The following CACNG4 variants were observed in gnomAD, a reference collection of about 807,000 sequenced individuals.
CACNG4 encodes calcium voltage-gated channel auxiliary subunit gamma 4.
In CACNG4, 8 loss-of-function variants were observed where a neutral mutation model predicts 22.9. The observed-to-expected ratio is 0.35, with a 90% CI of 0.21 to 0.63. The LOEUF is 0.63. Ranked by LOEUF, CACNG4 falls within the 30% of genes least tolerant of loss-of-function variation. The pLI, the probability that CACNG4 is intolerant of heterozygous loss-of-function variation, is 0.72. For synonymous variants in CACNG4, 188 were observed against 191.9 expected (o/e 0.98, Z 0.17); for missense variants, 357 against 455.4 (o/e 0.78, Z 1.97).
intron 1 of CACNG4, among the ~76,000 whole-genome samples, chr17:66,996,153 G>A (rs747313204): frequency 6.6e-6 from 1 of 152,126 alleles, no homozygotes; most frequent in Non-Finnish European, 1.5e-5. Context: ...ATGGGGCACC[G>A]CATGCTCTGC....
intron 1 of CACNG4, among the ~76,000 whole-genome samples, chr17:66,990,969 C>G (rs1282596338): frequency 6.6e-6 from 1 of 152,122 alleles, no homozygotes; most frequent in Non-Finnish European, 1.5e-5. Flanking sequence ...AGTAAGCCAC[C>G]GCGCCCGGCC....
chr17:67,000,536 G>A (rs1035264151), intron 1 of CACNG4, among the ~76,000 whole-genome samples: 4 of 152,220 alleles, frequency 2.6e-5, no homozygotes, highest in Admixed American at 1.3e-4. Context: ...AGGGGGCAAG[G>A]GTGCAGGGCG....
At position 66,965,046 on chromosome 17, in the gene CACNG4, C is replaced by T. The variant is rs765704600; in HGVS notation, c.135C>T (p.Asn45=). 1.9e-6 allele frequency: 3 copies of T among 1,609,786 alleles called. No homozygotes were observed. In the East Asian group the frequency reaches 6.7e-5, roughly 36 times the overall value. Reference sequence around the variant, plus strand: ...GCGCGCACATCTGCAACGGCACCAACCTGACCATGGACGACGGGCCCCCGC... The same window carrying T: ...GCGCGCACATCTGCAACGGCACCAATCTGACCATGGACGACGGGCCCCCGC... ...YSSAHICNGT[N]LTMDDGPPPR... is the part of the protein sequence containing the mutation. Residue 45 remains asparagine (N), a synonymous_variant, in exon 1 of 4, where the codon AAC becomes AAT. Coordinates refer to ENST00000262138, the MANE Select transcript of CACNG4 (RefSeq NM_014405.4).
At position 66,965,070 on chromosome 17, in the gene CACNG4, G is replaced by A. The variant is rs1449677893; in HGVS notation, c.159G>A (p.Pro53=). 6.3e-7 allele frequency: 1 copy of A among 1,586,060 alleles called. No individual in the cohort carries two copies. The highest frequency in any genetic ancestry group is 1.8e-5 in the Admixed American group (1 of 56,612). Residue 53 remains proline, a synonymous_variant, in exon 1 of 4, where the codon CCG becomes CCA. Transcript: ENST00000262138. ...ACCTGACCATGGACGACGGGCCCCCGCCCCGCCGCGCCCGCGGCGACCTCA... is the reference window on the plus strand; with the variant it reads ...ACCTGACCATGGACGACGGGCCCCCACCCCGCCGCGCCCGCGGCGACCTCA... ...GTNLTMDDGP[P]PRRARGDLTH...
At chr17:66,985,448 G>A (rs1052046846) in intron 1 of CACNG4, among the ~76,000 whole-genome samples, 4 of 152,202 alleles carry the variant, frequency 2.6e-5, no homozygotes, top group African/African-American at 7.2e-5. Flanking sequence ...GGAGTGTCAG[G>A]GTGAGGCTTG....
chr17:66,975,354 G>A (rs1195599644), intron 1 of CACNG4, among the ~76,000 whole-genome samples: 6 of 152,138 alleles, frequency 3.9e-5, no homozygotes, highest in African/African-American at 1.4e-4. Context: ...GCATCAGACG[G>A]TCAGCATTGA....
chr17:66,971,218 G>C (rs925335727), intron 1 of CACNG4, among the ~76,000 whole-genome samples: 1 of 151,042 alleles, frequency 6.6e-6, no homozygotes, highest in Non-Finnish European at 1.5e-5. Flanking sequence ...CCTCATGGAG[G>C]GTCCTTGCTG....
At chr17:66,993,622 T>A (rs561019748) in intron 1 of CACNG4, among the ~76,000 whole-genome samples, 139 of 152,318 alleles carry the variant, frequency 9.1e-4, no homozygotes, top group Non-Finnish European at 1.6e-3. Flanking sequence ...ATTCTTTTTT[T>A]TGAGATGGAG....
At chr17:67,017,748 C>T (rs544422213) in intron 1 of CACNG4, among the ~76,000 whole-genome samples, 1 of 151,988 alleles carries the variant, frequency 6.6e-6, no homozygotes, top group African/African-American at 2.4e-5. Context: ...GATCTTCTGA[C>T]CTCCTGATCC....
chr17:67,018,414 T>C (rs2143355840), intron 2 of CACNG4, 142 bp downstream of exon 2: 2 of 656,212 alleles, frequency 3.0e-6, no homozygotes, highest in East Asian at 2.7e-5. Context: ...ATTCAGACAT[T>C]GTGAGTTTGG....
intron 1 of CACNG4, among the ~76,000 whole-genome samples, chr17:67,006,691 G>A (rs1365496022): frequency 1.3e-5 from 2 of 151,958 alleles, no homozygotes; most frequent in African/African-American, 4.8e-5. Flanking sequence ...TACTGTGTTC[G>A]CTCACCTCCC....
intron 1 of CACNG4, among the ~76,000 whole-genome samples, chr17:66,965,421 A>C (rs2035163384): frequency 6.6e-6 from 1 of 151,110 alleles, no homozygotes; most frequent in South Asian, 2.1e-4. Context: ...CCTCGCCCAC[A>C]GACACAATGA....
At chr17:67,013,464 CAT>C (rs1193005841) in intron 1 of CACNG4, among the ~76,000 whole-genome samples, 7 of 152,142 alleles carry the variant, frequency 4.6e-5, no homozygotes, top group Admixed American at 1.3e-4. Context: ...ACACTGGACA[CAT>C]GTGGGGATAT....
At position 66,984,870 on chromosome 17, in the gene CACNG4, G is replaced by C. The variant is rs2035296351; in HGVS notation, c.220+19739G>C. ...CCTGAGCCTGCCTCAGGGTCCCCAG[G>C]GTTACCAGGCTGGGAGTCTGTGCTG... On this transcript the variant is annotated intron_variant, in intron 1 of 3. Coordinates refer to ENST00000262138, the MANE Select transcript of CACNG4 (RefSeq NM_014405.4). The surrounding 1 kb of genome is among the most constrained non-coding windows in gnomAD (Gnocchi z 4.0). Among the ~76,000 whole-genome samples, 1 of 152,086 alleles carries C rather than the reference G, an allele frequency of 6.6e-6. No homozygotes were observed. Among genetic ancestry groups the C allele is most frequent in the South Asian group, 2.1e-4 (1 of 4,818 alleles).
At chr17:67,001,465 C>G (rs1439700831) in intron 1 of CACNG4, among the ~76,000 whole-genome samples, 1 of 152,126 alleles carries the variant, frequency 6.6e-6, no homozygotes, top group Non-Finnish European at 1.5e-5. Context: ...CTGCCGTAGC[C>G]GCTGCATCTT....
At position 67,032,360 on chromosome 17, in the gene CACNG4, C is replaced by A. The variant is rs1442382613; in HGVS notation, c.*1356C>A. On this transcript the variant is annotated 3_prime_UTR_variant, in exon 4 of 4. Transcript: ENST00000262138. Reference sequence around the variant, plus strand: ...GAACTCTCCAGAACATGGAACTTAACCCTCTTTTGTATAAAACATGTGCTT... The same window carrying A: ...GAACTCTCCAGAACATGGAACTTAAACCTCTTTTGTATAAAACATGTGCTT... 8.7e-6 allele frequency: 2 copies of A among 229,728 alleles called. No individual in the cohort carries two copies. Among genetic ancestry groups the A allele is most frequent in the Non-Finnish European group, 1.7e-5 (2 of 115,408 alleles). 14.2% of individuals were successfully genotyped at this position (229,728 alleles called of 1,614,324 possible).
chr17:66,995,395 G>A (rs1355231890), intron 1 of CACNG4, among the ~76,000 whole-genome samples: 3 of 152,196 alleles, frequency 2.0e-5, no homozygotes, highest in Admixed American at 6.5e-5. Flanking sequence ...GGGCTCTTCA[G>A]CCCCAGCTAA....
chr17:66,970,488 A>C (rs1056346318), intron 1 of CACNG4, among the ~76,000 whole-genome samples: 5 of 152,176 alleles, frequency 3.3e-5, no homozygotes, highest in African/African-American at 9.7e-5. Flanking sequence ...CAAGTTCCAC[A>C]GGGCATAACT....
intron 2 of CACNG4, among the ~76,000 whole-genome samples, chr17:67,023,499 T>A (rs930583090): frequency 2.0e-5 from 3 of 151,674 alleles, no homozygotes. Flanking sequence ...ATGGTCTCAA[T>A]CTCCTGACCT....
Sources: allele counts gnomAD v4.1 joint callset (sites outside exome capture counted in the v4.1 genomes callset), GRCh38; gene constraint gnomAD v4.1.1; non-coding constraint Gnocchi (gnomAD v3.1); transcripts MANE v1.5; gene names NCBI Gene and HGNC (gene_info 2026-07-23, HGNC 2026-07-21).